TMEM272: variants seen among roughly 807,000 people sequenced by gnomAD.
TMEM272 encodes transmembrane protein 272.
TMEM272 carries 8 observed loss-of-function variants against 3.7 expected under a neutral mutation model. The ratio of observed to expected loss-of-function variants is 2.17; its 90% CI spans 1.27 to 3.91. The LOEUF (loss-of-function observed/expected upper bound fraction) is 3.91. TMEM272 is among the 30% of genes most tolerant of loss of function. TMEM272 has a pLI of 0.00. For synonymous variants in TMEM272, 63 were observed against 39.8 expected (o/e 1.58, Z -2.20); for missense variants, 166 against 91.5 (o/e 1.81, Z -3.32).
chr13:51,889,388 T>TGA, the TMEM272 span, among the ~76,000 whole-genome samples: 1 of 151,848 alleles, frequency 6.6e-6, no homozygotes, highest in East Asian at 1.9e-4. Context: ...GTCATAAGGG[T>TGA]GAGACCCTGA....
intron 4 of TMEM272, among the ~76,000 whole-genome samples, chr13:51,819,405 C>T (rs1956060191): frequency 6.6e-6 from 1 of 152,178 alleles, no homozygotes. Context: ...CCTTGCAGGG[C>T]CCCATTCCTT....
chr13:51,849,730 A>G (rs1956322459), upstream of TMEM272, among the ~76,000 whole-genome samples: 1 of 152,106 alleles, frequency 6.6e-6, no homozygotes, highest in African/African-American at 2.4e-5. Flanking sequence ...GGCGCCTTGG[A>G]GTGGGTGTGA....
chr13:51,917,997 C>T, the TMEM272 span, among the ~76,000 whole-genome samples: 1 of 152,204 alleles, frequency 6.6e-6, no homozygotes, highest in Non-Finnish European at 1.5e-5. Context: ...GGAATTTCTT[C>T]CATCAGTTTT....
the TMEM272 span, among the ~76,000 whole-genome samples, chr13:51,900,999 G>C: frequency 2.6e-5 from 4 of 152,240 alleles, no homozygotes; most frequent in Non-Finnish European, 5.9e-5. Context: ...TTTTGTGGGA[G>C]AGAAGGGTGG....
intron 4 of TMEM272, among the ~76,000 whole-genome samples, chr13:51,818,858 G>A (rs939828362): frequency 6.6e-6 from 1 of 152,184 alleles, no homozygotes; most frequent in Non-Finnish European, 1.5e-5. Context: ...TATTATCTCT[G>A]TTGCCCAAAT....
At chr13:51,832,186 A>G (rs1956178567) in intron 2 of TMEM272, among the ~76,000 whole-genome samples, 2 of 152,110 alleles carry the variant, frequency 1.3e-5, no homozygotes, top group African/African-American at 4.8e-5. Context: ...ACGACTGCTG[A>G]TTGCTGCTGC....
the TMEM272 span, among the ~76,000 whole-genome samples, chr13:51,907,630 G>C: frequency 2.0e-5 from 3 of 152,214 alleles, no homozygotes; most frequent in South Asian, 2.1e-4. Flanking sequence ...CACCGTAAAG[G>C]CTCTTGCCCA....
the TMEM272 span, among the ~76,000 whole-genome samples, chr13:51,863,906 A>G: frequency 6.6e-6 from 1 of 151,914 alleles, no homozygotes; most frequent in South Asian, 2.1e-4. Context: ...ATGTGCCTGC[A>G]CTCCTTATCT....
intron 3 of TMEM272, among the ~76,000 whole-genome samples, chr13:51,824,284 C>CT (rs1440617156): frequency 8.6e-5 from 13 of 152,006 alleles, no homozygotes; most frequent in African/African-American, 3.2e-4. Context: ...CACGATTATT[C>CT]TTTTTGGTTT....
the TMEM272 span, among the ~76,000 whole-genome samples, chr13:51,882,885 G>A: frequency 6.6e-6 from 1 of 152,210 alleles, no homozygotes; most frequent in East Asian, 1.9e-4. Context: ...TCCGCCCAGG[G>A]CCTTGCTCAG....
the TMEM272 span, among the ~76,000 whole-genome samples, chr13:51,852,644 C>T: frequency 6.6e-6 from 1 of 152,150 alleles, no homozygotes; most frequent in Admixed American, 6.5e-5. Context: ...CTTTGGGAGG[C>T]CAAGGCGGGC....
chr13:51,910,394 T>C, the TMEM272 span: 3 of 1,057,192 alleles, frequency 2.8e-6, no homozygotes, highest in South Asian at 2.5e-5. Context: ...TAGCAAGCTC[T>C]TTCTCTCTTC....
chr13:51,864,514 T>C, the TMEM272 span, among the ~76,000 whole-genome samples: 3 of 152,276 alleles, frequency 2.0e-5, no homozygotes, highest in African/African-American at 4.8e-5. Context: ...TCTTTCAGCA[T>C]TGGGTTTATA....
At chr13:51,839,797 G>A (rs1593599618) in intron 1 of TMEM272, among the ~76,000 whole-genome samples, 3 of 152,312 alleles carry the variant, frequency 2.0e-5, no homozygotes, top group Admixed American at 6.5e-5. Flanking sequence ...CTGCAGGCAG[G>A]AGCCATGCAG....
chr13:51,932,378 C>A, the TMEM272 span: 1 of 152,250 alleles, frequency 6.6e-6, no homozygotes. Flanking sequence ...GCAAACGATG[C>A]GGTAATTTAA....
chr13:51,834,769 CCT>C (rs1377376884), intron 2 of TMEM272, among the ~76,000 whole-genome samples: 1 of 152,156 alleles, frequency 6.6e-6, no homozygotes, highest in African/African-American at 2.4e-5. Context: ...CCCAGGACCC[CCT>C]GACAGGTGCA....
At chr13:51,932,060 G>A in the TMEM272 span, among the ~76,000 whole-genome samples, 2 of 152,270 alleles carry the variant, frequency 1.3e-5, no homozygotes, top group Non-Finnish European at 2.9e-5. Context: ...GTCCCAGTTT[G>A]CCTGGATAGT....
chr13:51,880,837 T>C, the TMEM272 span, among the ~76,000 whole-genome samples: 1 of 152,146 alleles, frequency 6.6e-6, no homozygotes, highest in Non-Finnish European at 1.5e-5. Context: ...ACAAATTGGG[T>C]TCAGTGTATA....
the TMEM272 span, chr13:51,865,544 A>G: frequency 1.2e-6 from 2 of 1,614,124 alleles, no homozygotes; most frequent in Non-Finnish European, 1.7e-6. Flanking sequence ...CGAAGAGATG[A>G]AAATTTTTCG....
Sources: gnomAD v4.1 joint callset for allele counts (sites outside exome capture counted in the v4.1 genomes callset) on GRCh38, gnomAD v4.1.1 for gene constraint, MANE v1.5 for transcripts, NCBI Gene and HGNC (gene_info 2026-07-23, HGNC 2026-07-21) for gene names.